Variants in TNS3 observed in about 807,000 individuals in gnomAD.
TNS3 encodes tensin 3.
Under a neutral mutation model 140.9 loss-of-function variants are expected in TNS3, and 45 were observed. The ratio of observed to expected loss-of-function variants is 0.32; its 90% CI spans 0.25 to 0.41. The LOEUF (loss-of-function observed/expected upper bound fraction) is 0.41. Ranked by LOEUF, TNS3 falls within the 10% of genes least tolerant of loss-of-function variation. The probability of loss-of-function intolerance (pLI) is 1.00; values close to 1 mark genes in which losing one functional copy is unlikely to be tolerated. For missense variants in TNS3, 1,716 were observed against 1,906.7 expected (o/e 0.90, Z 1.86); for synonymous variants, 815 against 788.4 (o/e 1.03, Z -0.56).
intron 8 of TNS3, among the ~76,000 whole-genome samples, chr7:47,432,384 A>G (rs116379811): frequency 0.017 from 2,617 of 152,306 alleles, 71 homozygotes; most frequent in African/African-American, 0.06. Flanking sequence ...CCTCTGCAGA[A>G]TCCCCAACAG....
intron 23 of TNS3, among the ~76,000 whole-genome samples, chr7:47,301,677 T>C (rs1389759423): frequency 2.0e-5 from 3 of 149,762 alleles, no homozygotes; most frequent in Admixed American, 6.6e-5. Context: ...AGCAGAGAGA[T>C]GCTCTGTCTG....
intron 1 of TNS3, among the ~76,000 whole-genome samples, chr7:47,569,417 G>A (rs545933534): frequency 7.2e-5 from 11 of 151,946 alleles, no homozygotes; most frequent in South Asian, 2.1e-4. Flanking sequence ...GGTGATGGGC[G>A]CCTGTAATCC....
At chr7:47,400,576 A>G (rs1487899628) in intron 14 of TNS3, 118 bp from the exon 15 acceptor site, 6 of 1,241,586 alleles carry the variant, frequency 4.8e-6, no homozygotes, top group Non-Finnish European at 6.9e-6. Flanking sequence ...CAATAAAGAC[A>G]CCCCATGATA....
chr7:47,386,820 A>G (rs1792102298), intron 16 of TNS3, among the ~76,000 whole-genome samples: 1 of 152,252 alleles, frequency 6.6e-6, no homozygotes, highest in East Asian at 1.9e-4. Flanking sequence ...ACATAACAGC[A>G]CAAGCTGCCA....
rs147083845 is a variant in TNS3 at position 47,318,055 on chromosome 7, T to G, written c.2651-13052A>C. On this transcript the variant is annotated intron_variant, in intron 20 of 30. Coordinates refer to ENST00000311160, the MANE Select transcript of TNS3 (RefSeq NM_022748.12). Reference sequence around the variant, plus strand: ...CAACTATCTCCAGAACTTTATAATCTTACAAAACTATAACTCTTTCCCCAT... The same window carrying G: ...CAACTATCTCCAGAACTTTATAATCGTACAAAACTATAACTCTTTCCCCAT... Among the ~76,000 whole-genome samples the G allele has an allele frequency of 2.5e-3, 375 of 152,282 alleles. 2 individuals are homozygous for G. Among genetic ancestry groups the G allele is most frequent in the African/African-American group, 8.5e-3 (353 of 41,550 alleles).
rs548560525 is a variant in TNS3, at chr7:47,344,807, G to A, written c.2598C>T (p.Ser866=). The A allele has an allele frequency of 1.9e-6, 3 of 1,613,522 alleles. No individual in the cohort carries two copies. The highest frequency in any genetic ancestry group is 1.3e-5 in the African/African-American group (1 of 75,046). Residue 866 remains serine (S), a synonymous_variant, in exon 20 of 31, where the codon AGC becomes AGT. Coordinates refer to ENST00000311160, the MANE Select transcript of TNS3 (RefSeq NM_022748.12). ...GGCTGCTCAGCGGGGGCTCAGGTGGGCTGAACGGAGGATGGCGCAGCGCTG... is the reference window on the plus strand; with the variant it reads ...GGCTGCTCAGCGGGGGCTCAGGTGGACTGAACGGAGGATGGCGCAGCGCTG... ...VKTALRHPPF[S]PPEPPLSSPA...
chr7:47,288,131 G>C (rs1785513074), intron 27 of TNS3, among the ~76,000 whole-genome samples: 1 of 152,170 alleles, frequency 6.6e-6, no homozygotes, highest in Admixed American at 6.5e-5. Context: ...GTGTGCCCTG[G>C]TGCTACCATA....
chr7:47,304,622 T>C (rs749065440), intron 21 of TNS3, among the ~76,000 whole-genome samples: 5 of 152,142 alleles, frequency 3.3e-5, no homozygotes, highest in Non-Finnish European at 7.3e-5. Flanking sequence ...CCCTATATTT[T>C]CTCGTATGTC....
At chr7:47,435,681 T>C in intron 7 of TNS3, among the ~76,000 whole-genome samples, 1 of 152,178 alleles carries the variant, frequency 6.6e-6, no homozygotes, top group East Asian at 1.9e-4. Context: ...GAGTTGCTGA[T>C]GGTGCAGGTT....
intron 13 of TNS3, among the ~76,000 whole-genome samples, chr7:47,405,021 G>A (rs1324890351): frequency 6.6e-6 from 1 of 152,166 alleles, no homozygotes; most frequent in Non-Finnish European, 1.5e-5. Flanking sequence ...GCAGACACAT[G>A]GAATTCTCAA....
chr7:47,418,976 T>C (rs984729844), intron 10 of TNS3, among the ~76,000 whole-genome samples: 1 of 152,392 alleles, frequency 6.6e-6, no homozygotes, highest in African/African-American at 2.4e-5. Context: ...GAGTCAGCCA[T>C]GGCTGCAGGG....
intron 10 of TNS3, among the ~76,000 whole-genome samples, chr7:47,418,831 G>A (rs374143077): frequency 6.6e-5 from 10 of 152,262 alleles, no homozygotes; most frequent in African/African-American, 1.9e-4. Context: ...TGCACTAGAC[G>A]TTAGCTTAAA....
intron 1 of TNS3, among the ~76,000 whole-genome samples, chr7:47,578,014 T>TAA (rs575331402): frequency 1.5e-5 from 2 of 137,276 alleles, no homozygotes. Context: ...TACTGCCTTC[T>TAA]AAAAAAAAAA....
At chr7:47,346,071 G>GAT (rs1789321811) in intron 18 of TNS3, 116 bp downstream of exon 18, 2 of 1,347,768 alleles carry the variant, frequency 1.5e-6, no homozygotes, top group Admixed American at 4.1e-5. Flanking sequence ...GGGTGCGGAG[G>GAT]ATAATGTGGG....
At chr7:47,423,455 C>G (rs1217903441) in intron 10 of TNS3, among the ~76,000 whole-genome samples, 1 of 152,242 alleles carries the variant, frequency 6.6e-6, no homozygotes, top group Non-Finnish European at 1.5e-5. Context: ...TGCACCCCAC[C>G]ATGACTATTC....
intron 20 of TNS3, among the ~76,000 whole-genome samples, chr7:47,324,868 A>G (rs1037687840): frequency 1.3e-5 from 2 of 152,252 alleles, no homozygotes; most frequent in Non-Finnish European, 2.9e-5. Context: ...TAGTCTGCGC[A>G]TAACTGTATA....
intron 1 of TNS3, among the ~76,000 whole-genome samples, chr7:47,552,033 G>A (rs1800078081): frequency 6.6e-6 from 1 of 152,058 alleles, no homozygotes; most frequent in South Asian, 2.1e-4. Flanking sequence ...TTGAAAAGGG[G>A]CGGCATTCTT....
In TNS3 at chr7:47,533,427, G is replaced by GC. The variant is rs71006504; in HGVS notation, c.-264-4281dup. Among the ~76,000 whole-genome samples, 299 of 119,516 alleles carry GC rather than the reference G, an allele frequency of 2.5e-3. 2 individuals carry two copies. The highest frequency in any genetic ancestry group is 4.5e-3 in the African/African-American group (154 of 34,534). The allele number at this position is 119,516 out of a possible 152,430, so 78.4% of individuals were successfully genotyped here. On this transcript the variant is annotated intron_variant, in intron 1 of 30. Transcript: ENST00000311160. ...TTACAGGTGTGAGCCACCGCACCTG[G>GC]CCTTTTTTTTTTTTTAAAAGACAAA...
chr7:47,283,626 T>C, intron 28 of TNS3, 71 bp downstream of exon 28: 4 of 1,415,564 alleles, frequency 2.8e-6, no homozygotes, highest in Non-Finnish European at 3.7e-6. Context: ...CTACTCACAC[T>C]AGGGAAGAAC....
Sources: allele counts gnomAD v4.1 joint callset (sites outside exome capture counted in the v4.1 genomes callset), GRCh38; gene constraint gnomAD v4.1.1; transcripts MANE v1.5; gene names NCBI Gene and HGNC (gene_info 2026-07-23, HGNC 2026-07-21).